Variants in PAK3 observed in about 807,000 individuals in gnomAD.
The protein encoded by PAK3 is serine/threonine-protein kinase PAK 3.
Under a neutral mutation model 41.0 loss-of-function variants are expected in PAK3, and 4 were observed. That is an observed-to-expected ratio of 0.10 (90% CI 0.05 to 0.22). The LOEUF is 0.22. PAK3 is among the 10% of genes least tolerant of loss of function. PAK3 has a pLI of 1.00. For missense variants in PAK3, 205 were observed against 409.9 expected, an observed-to-expected ratio of 0.50 and a Z score of 4.32; for synonymous variants, 146 against 139.6, an observed-to-expected ratio of 1.05 and a Z score of -0.32.
At chrX:111,199,121 T>C (rs1340418352) in intron 16 of PAK3, among the ~76,000 whole-genome samples, 1 of 111,589 alleles carries the variant, frequency 9.0e-6, no homozygotes, top group Non-Finnish European at 1.9e-5. Flanking sequence ...ATTTGGCTCT[T>C]AACTGGACAT....
At chrX:111,039,722 G>A (rs1247029441) in intron 1 of PAK3, among the ~76,000 whole-genome samples, 1 of 111,378 alleles carries the variant, frequency 9.0e-6, no homozygotes, top group Non-Finnish European at 1.9e-5. Context: ...CACAGATGCA[G>A]CCTCCTGAAT....
intron 1 of PAK3, among the ~76,000 whole-genome samples, chrX:111,072,344 C>A (rs925997070): frequency 1.8e-5 from 2 of 112,660 alleles, no homozygotes; most frequent in Non-Finnish European, 3.8e-5. Context: ...GGACAGAACC[C>A]GGTAATCAAT....
intron 5 of PAK3, among the ~76,000 whole-genome samples, chrX:111,128,848 A>G (rs1345897640): frequency 2.7e-5 from 3 of 112,004 alleles, no homozygotes; most frequent in Non-Finnish European, 5.7e-5. Context: ...GATAATAGAG[A>G]TATGCTAACA....
At chrX:110,969,275 G>A (rs946043302) in intron 1 of PAK3, among the ~76,000 whole-genome samples, 1 of 102,741 alleles carries the variant, frequency 9.7e-6, no homozygotes, top group Non-Finnish European at 2.0e-5. Context: ...TTGTCAAAAA[G>A]GCAATTCTTC....
intron 16 of PAK3, among the ~76,000 whole-genome samples, chrX:111,198,015 T>C (rs1314431214): frequency 8.9e-6 from 1 of 112,365 alleles, no homozygotes; most frequent in East Asian, 2.8e-4. Flanking sequence ...TTTTTAATAA[T>C]AACCATTCTG....
At chrX:111,065,325 T>TTG (rs1555984488) in intron 1 of PAK3, among the ~76,000 whole-genome samples, 2 of 110,746 alleles carry the variant, frequency 1.8e-5, no homozygotes, top group Non-Finnish European at 3.8e-5. Context: ...ACGTTTTTTT[T>TTG]TTTGTTTTTC....
At chrX:111,010,553 C>T (rs774618560) in intron 1 of PAK3, among the ~76,000 whole-genome samples, 1 of 111,391 alleles carries the variant, frequency 9.0e-6, no homozygotes, top group Non-Finnish European at 1.9e-5. Context: ...AAGTGCCATC[C>T]CCTTGGTGAT....
At chrX:111,085,468 A>G (rs946488967) in intron 1 of PAK3, among the ~76,000 whole-genome samples, 10 of 112,445 alleles carry the variant, frequency 8.9e-5, no homozygotes, top group African/African-American at 2.9e-4. Flanking sequence ...TGTTTAACTC[A>G]AAAGCCTTAT....
chrX:110,962,728 A>G (rs1480329742), intron 1 of PAK3, among the ~76,000 whole-genome samples: 2 of 112,797 alleles, frequency 1.8e-5, no homozygotes, highest in Non-Finnish European at 3.7e-5. Context: ...TCTGTTTATC[A>G]TCCTGGCCTC....
intron 17 of PAK3, chrX:111,216,953 T>C: frequency 6.6e-6 from 5 of 752,157 alleles, no homozygotes; most frequent in Non-Finnish European, 7.8e-6. Context: ...GCTACTCTAA[T>C]GCTTTGCTGG....
intron 1 of PAK3, among the ~76,000 whole-genome samples, chrX:111,062,006 C>T (rs772849586): frequency 9.0e-6 from 1 of 110,659 alleles, no homozygotes; most frequent in African/African-American, 3.3e-5. Context: ...TTTGTAGAGA[C>T]AGGGTCTCGC....
intron 7 of PAK3, among the ~76,000 whole-genome samples, chrX:111,149,837 T>C (rs1002619962): frequency 8.9e-6 from 1 of 112,177 alleles, no homozygotes; most frequent in African/African-American, 3.2e-5. Context: ...TCCCCCATGG[T>C]CTTGGGGATT....
At position 111,220,945 on chromosome X, in the gene PAK3, C is replaced by CAAAAAAAAAAAA; in HGVS notation, c.*504_*515dup. On this transcript the variant is annotated 3_prime_UTR_variant, in exon 18 of 18. Transcript: ENST00000372007. ...AAAAAAGAAAGCAAAAAAAGCAAGG[C>CAAAAAAAAAAAA]AAAAAAAAAAAAAAAAACAAACAAA... 2.0e-4 allele frequency: 10 copies of CAAAAAAAAAAAA among 49,414 alleles called. No homozygotes were observed. Among genetic ancestry groups the CAAAAAAAAAAAA allele is most frequent in the African/African-American group, 7.7e-4 (9 of 11,731 alleles). The allele number at this position is 49,414 out of a possible 1,213,427, so 4.1% of individuals were successfully genotyped here.
In PAK3 at chrX:111,222,547, C is replaced by T. The variant is rs899368171; in HGVS notation, c.*2100C>T. 15 of 112,322 alleles carry T rather than the reference C, an allele frequency of 1.3e-4. No homozygotes were observed. The highest frequency in any genetic ancestry group is 4.9e-4 in the African/African-American group (15 of 30,921). 9.3% of individuals were successfully genotyped at this position (112,322 alleles called of 1,213,427 possible). ...GCCTGTAATTTTTAATGCCACACTG[C>T]TCTAATGAGAGAGAGAGGCCTTAAT... On this transcript the variant is annotated 3_prime_UTR_variant, in exon 18 of 18. Coordinates refer to ENST00000372007, the MANE Select transcript of PAK3 (RefSeq NM_002578.5).
chrX:110,976,020 T>G (rs2091320456), intron 1 of PAK3, among the ~76,000 whole-genome samples: 1 of 111,785 alleles, frequency 8.9e-6, no homozygotes, highest in African/African-American at 3.3e-5. Flanking sequence ...GAACAAAACC[T>G]AGGCAATACA....
At chrX:111,186,113 A>C in intron 11 of PAK3, among the ~76,000 whole-genome samples, 1 of 111,518 alleles carries the variant, frequency 9.0e-6, no homozygotes, top group Non-Finnish European at 1.9e-5. Flanking sequence ...AAAAACTCTC[A>C]ATAAACTAGG....
At chrX:111,173,661 T>C (rs2094372623) in intron 11 of PAK3, among the ~76,000 whole-genome samples, 1 of 111,543 alleles carries the variant, frequency 9.0e-6, no homozygotes, top group Non-Finnish European at 1.9e-5. Flanking sequence ...AAGATTTGAT[T>C]TAGAGTCTGG....
At chrX:111,151,193 C>T (rs772414330) in intron 7 of PAK3, among the ~76,000 whole-genome samples, 1 of 112,395 alleles carries the variant, frequency 8.9e-6, no homozygotes, top group East Asian at 2.8e-4. Context: ...AAGAGCTGTG[C>T]TCCAAGTTAG....
intron 1 of PAK3, among the ~76,000 whole-genome samples, chrX:110,946,140 A>G (rs1048978116): frequency 1.5e-4 from 17 of 111,306 alleles, no homozygotes; most frequent in Non-Finnish European, 2.8e-4. Context: ...TGATCAAGAA[A>G]GGCTTCATGG....
Sources: gnomAD v4.1 joint callset for allele counts (sites outside exome capture counted in the v4.1 genomes callset) on GRCh38, gnomAD v4.1.1 for gene constraint, MANE v1.5 for transcripts, NCBI Gene and HGNC (gene_info 2026-07-23, HGNC 2026-07-21) for gene names.